The following GPHN variants were observed in gnomAD, a reference collection of about 807,000 sequenced individuals.
GPHN encodes the protein gephyrin.
A neutral mutation model predicts 95.5 loss-of-function variants in GPHN; 17 were observed. The ratio of observed to expected loss-of-function variants is 0.18; its 90% CI spans 0.12 to 0.27. The LOEUF is 0.27. Among genes scored for constraint, GPHN ranks in the 10% least tolerant of loss-of-function variants. The probability of loss-of-function intolerance (pLI) is 1.00; values close to 1 mark genes in which losing one functional copy is unlikely to be tolerated. For synonymous variants in GPHN, 320 were observed against 322.5 expected (o/e 0.99, Z 0.08); for missense variants, 660 against 978.1 (o/e 0.67, Z 4.34).
chr14:67,320,470 G>A, the GPHN span: 7 of 1,363,956 alleles, frequency 5.1e-6, no homozygotes, highest in East Asian at 2.6e-5. Context: ...TATCATGTAG[G>A]GAAATTTTTT....
intron 1 of GPHN, among the ~76,000 whole-genome samples, chr14:66,536,362 A>G (rs1018986170): frequency 2.6e-5 from 4 of 152,256 alleles, no homozygotes; most frequent in Admixed American, 2.6e-4. Flanking sequence ...AATTACATTG[A>G]TTGATTTTTA....
chr14:66,577,950 T>G (rs1423550878), intron 1 of GPHN, among the ~76,000 whole-genome samples: 1 of 151,954 alleles, frequency 6.6e-6, no homozygotes, highest in Non-Finnish European at 1.5e-5. Context: ...AATGTAAATA[T>G]TTTTAAGACA....
the GPHN span, chr14:67,199,676 C>A: frequency 1.3e-6 from 2 of 1,580,008 alleles, no homozygotes; most frequent in Admixed American, 3.3e-5. Flanking sequence ...CCAGCCTGAC[C>A]GCCCTCATCA....
chr14:66,936,213 T>C (rs1322300579), intron 8 of GPHN, among the ~76,000 whole-genome samples: 1 of 152,060 alleles, frequency 6.6e-6, no homozygotes, highest in Non-Finnish European at 1.5e-5. Flanking sequence ...ATCTCGTCTC[T>C]ACTAAAAGTA....
At chr14:66,592,920 C>T (rs973686698) in intron 1 of GPHN, among the ~76,000 whole-genome samples, 6 of 152,202 alleles carry the variant, frequency 3.9e-5, no homozygotes, top group African/African-American at 1.4e-4. Flanking sequence ...CAGTGAAAGA[C>T]TGGATAAATC....
intron 10 of GPHN, among the ~76,000 whole-genome samples, chr14:67,052,948 C>T (rs1317296737): frequency 1.3e-5 from 2 of 151,604 alleles, no homozygotes; most frequent in South Asian, 2.1e-4. Context: ...GCCAAAGCAG[C>T]GTTAAGAGGG....
At chr14:67,329,555 C>T in the GPHN span, among the ~76,000 whole-genome samples, 1 of 152,082 alleles carries the variant, frequency 6.6e-6, no homozygotes, top group East Asian at 1.9e-4. Context: ...TGTCTTGCGC[C>T]AGTTTTCAAA....
At chr14:67,330,154 A>AATT in the GPHN span, among the ~76,000 whole-genome samples, 3,549 of 105,708 alleles carry the variant, frequency 0.034, 64 homozygotes, top group Non-Finnish European at 0.042. Flanking sequence ...TAATAATAAT[A>AATT]ATTATTATTA....
chr14:67,633,678 T>C, the GPHN span, among the ~76,000 whole-genome samples: 1 of 152,222 alleles, frequency 6.6e-6, no homozygotes, highest in African/African-American at 2.4e-5. Context: ...TCTTCCTGGC[T>C]TAGAAACCAC....
chr14:67,557,319 C>T, the GPHN span: 11 of 1,613,640 alleles, frequency 6.8e-6, no homozygotes, highest in Non-Finnish European at 9.3e-6. Context: ...AGAATGTGGA[C>T]TCTGAGGGGA....
chr14:67,341,533 T>C, the GPHN span, among the ~76,000 whole-genome samples: 28,389 of 147,632 alleles, frequency 0.19, 4,319 homozygotes, highest in East Asian at 0.49. Flanking sequence ...GCCCCCCGCC[T>C]GGCCAGCCGC....
At chr14:66,595,176 AACCCTTGAAG>A (rs2061920755) in intron 1 of GPHN, among the ~76,000 whole-genome samples, 1 of 152,196 alleles carries the variant, frequency 6.6e-6, no homozygotes, top group Admixed American at 6.5e-5. Flanking sequence ...GAGAAAAGAG[AACCCTTGAAG>A]ACTGTTGGTT....
At chr14:67,479,257 T>C in the GPHN span, among the ~76,000 whole-genome samples, 1 of 150,746 alleles carries the variant, frequency 6.6e-6, no homozygotes. Flanking sequence ...AGTACAAAAA[T>C]TAGCTGGGCG....
chr14:67,014,800 C>T (rs2073208553), intron 9 of GPHN, among the ~76,000 whole-genome samples: 1 of 152,126 alleles, frequency 6.6e-6, no homozygotes, highest in Non-Finnish European at 1.5e-5. Context: ...CTTTATAATA[C>T]ATTATATAAT....
chr14:66,798,363 T>G (rs981937521), intron 3 of GPHN, among the ~76,000 whole-genome samples: 1 of 151,948 alleles, frequency 6.6e-6, no homozygotes, highest in Non-Finnish European at 1.5e-5. Context: ...CCTCGTCTAT[T>G]TTTCAGAATA....
chr14:67,577,666 G>C, the GPHN span, among the ~76,000 whole-genome samples: 1 of 152,226 alleles, frequency 6.6e-6, no homozygotes, highest in African/African-American at 2.4e-5. Context: ...CCCTCCTCCT[G>C]TAGTTAAGCA....
intron 11 of GPHN, among the ~76,000 whole-genome samples, chr14:67,075,141 G>A (rs954600349): frequency 1.3e-5 from 2 of 152,184 alleles, no homozygotes; most frequent in African/African-American, 4.8e-5. Flanking sequence ...AGGGGCTAAA[G>A]TAGCTGGTGA....
chr14:67,552,766 C>A, the GPHN span, among the ~76,000 whole-genome samples: 5 of 141,520 alleles, frequency 3.5e-5, no homozygotes, highest in South Asian at 2.3e-4. Flanking sequence ...GACTCTGTCT[C>A]AAAAAAAAAA....
At chr14:66,760,918 T>A (rs1487729725) in intron 2 of GPHN, 2 of 946,992 alleles carry the variant, frequency 2.1e-6, no homozygotes, top group Non-Finnish European at 3.2e-6. Flanking sequence ...AAGCAAAACA[T>A]CCATCTTATC....
Sources: gnomAD v4.1 joint callset for allele counts (sites outside exome capture counted in the v4.1 genomes callset) on GRCh38, gnomAD v4.1.1 for gene constraint, MANE v1.5 for transcripts, NCBI Gene and HGNC (gene_info 2026-07-23, HGNC 2026-07-21) for gene names.